WDFY1: variants seen among roughly 807,000 people sequenced by gnomAD.
WDFY1 encodes the protein WD repeat and FYVE domain containing 1.
Under a neutral mutation model 56.4 loss-of-function variants are expected in WDFY1, and 32 were observed. The ratio of observed to expected loss-of-function variants is 0.57; its 90% CI spans 0.43 to 0.76. The LOEUF (loss-of-function observed/expected upper bound fraction) is 0.76. Ranked by LOEUF, WDFY1 falls within the 30% of genes least tolerant of loss-of-function variation. The pLI is 0.00. For missense variants in WDFY1, 480 were observed against 545.7 expected (o/e 0.88, Z 1.20); for synonymous variants, 192 against 197.3 (o/e 0.97, Z 0.23).
intron 1 of WDFY1, among the ~76,000 whole-genome samples, chr2:223,935,741 CTAGGCAT>C (rs1193803629): frequency 6.6e-6 from 1 of 152,162 alleles, no homozygotes; most frequent in Non-Finnish European, 1.5e-5. Flanking sequence ...TTGTAATTAA[CTAGGCAT>C]CATCAGTAAT....
rs1036854964 is a variant in WDFY1 at position 223,901,270 on chromosome 2, C to T, written c.398G>A (p.Gly133Asp). The change falls in exon 5 of 12, where the codon GGC (glycine) becomes GAC (aspartate). Residue 133 changes from glycine (G) to aspartate (D), a missense_variant. Physicochemically the swap from Gly to Asp is moderately conservative, Grantham distance 94 (BLOSUM62 -1). Coordinates refer to ENST00000233055, the MANE Select transcript of WDFY1 (RefSeq NM_020830.5). ...SLATEWVISTGHDKCVSWMCT... is the reference protein window; with the variant it reads ...SLATEWVISTDHDKCVSWMCT... ...CATCCAGCTCACACACTTGTCGTGGCCGGTACTGATCACCCACTCTGTGGC... is the reference window on the plus strand; with the variant it reads ...CATCCAGCTCACACACTTGTCGTGGTCGGTACTGATCACCCACTCTGTGGC... The T allele has an allele frequency of 1.2e-6, 2 of 1,613,996 alleles. No homozygotes were observed. The highest frequency in any genetic ancestry group is 2.7e-5 in the African/African-American group (2 of 74,886).
intron 1 of WDFY1, among the ~76,000 whole-genome samples, chr2:223,918,587 C>A (rs545807151): frequency 6.6e-6 from 1 of 151,052 alleles, no homozygotes; most frequent in Non-Finnish European, 1.5e-5. Flanking sequence ...GCCGAGATTG[C>A]GCCACTGCAC....
chr2:223,904,306 C>T (rs933105031), intron 4 of WDFY1, among the ~76,000 whole-genome samples: 1 of 152,214 alleles, frequency 6.6e-6, no homozygotes, highest in Non-Finnish European at 1.5e-5. Context: ...GGCAGGAGTG[C>T]AGTGGTGCGA....
chr2:223,910,325 TCTTGATTTACAC>T (rs575914054), intron 3 of WDFY1, among the ~76,000 whole-genome samples: 8 of 151,868 alleles, frequency 5.3e-5, no homozygotes, highest in Admixed American at 5.3e-4. Flanking sequence ...CAGGTGTAAA[TCTTGATTTACAC>T]CTATCTTTAC....
chr2:223,920,223 C>CTGG (rs1693866258), intron 1 of WDFY1, among the ~76,000 whole-genome samples: 1 of 152,206 alleles, frequency 6.6e-6, no homozygotes, highest in African/African-American at 2.4e-5. Context: ...GAAGCATCAG[C>CTGG]AGCTGGACAT....
intron 8 of WDFY1, among the ~76,000 whole-genome samples, chr2:223,885,191 TG>T (rs11321677): frequency 0.01 from 1,546 of 151,520 alleles, 40 homozygotes; most frequent in African/African-American, 0.035. Context: ...TAATTGTGTG[TG>T]GGGGGGGGTC....
At chr2:223,913,993 C>CTT (rs386392770) in intron 2 of WDFY1, among the ~76,000 whole-genome samples, 62,996 of 87,930 alleles carry the variant, frequency 0.72, 24,842 homozygotes, top group Non-Finnish European at 0.84. Flanking sequence ...AATCAGTTAG[C>CTT]TTTTTTTTTT....
At chr2:223,942,526 A>AATTTTTTTTTT (rs1559178420) in intron 1 of WDFY1, among the ~76,000 whole-genome samples, 3 of 78,764 alleles carry the variant, frequency 3.8e-5, no homozygotes, top group African/African-American at 5.8e-5. Context: ...CCAAAGGCTA[A>AATTTTTTTTTT]CTTTTTTTTT....
intron 1 of WDFY1, among the ~76,000 whole-genome samples, chr2:223,943,536 G>A (rs931105246): frequency 2.6e-5 from 4 of 152,150 alleles, no homozygotes; most frequent in Non-Finnish European, 4.4e-5. Context: ...TAGAGACCAC[G>A]CCTTCAGCTT....
chr2:223,943,162 G>A (rs1334107482), intron 1 of WDFY1, among the ~76,000 whole-genome samples: 5 of 147,640 alleles, frequency 3.4e-5, no homozygotes, highest in Middle Eastern at 3.6e-3. Flanking sequence ...TCCAGCCTGG[G>A]TGACAGAGCA....
chr2:223,899,052 C>T lies in WDFY1; in HGVS notation c.504G>A (p.Gln168=). Residue 168 remains glutamine (Q), a synonymous_variant, in exon 6 of 12, where the codon CAG becomes CAA. Transcript: ENST00000233055. ...ASCLQYDFDT[Q]YAFVGDYSGQ... ...CAGAATAATCACCAACGAAAGCATACTGAGTGTCAAAGTCATATCTGAGGA... is the reference window on the plus strand; with the variant it reads ...CAGAATAATCACCAACGAAAGCATATTGAGTGTCAAAGTCATATCTGAGGA... 1.2e-6 allele frequency: 2 copies of T among 1,614,096 alleles called. No individual in the cohort carries two copies.
intron 1 of WDFY1, among the ~76,000 whole-genome samples, chr2:223,941,567 T>C (rs1228184545): frequency 6.6e-6 from 1 of 152,152 alleles, no homozygotes; most frequent in Non-Finnish European, 1.5e-5. Flanking sequence ...TTCCTGTGTC[T>C]TCCCAGCACT....
intron 1 of WDFY1, among the ~76,000 whole-genome samples, chr2:223,923,923 A>G (rs1021254539): frequency 6.6e-6 from 1 of 152,146 alleles, no homozygotes; most frequent in Non-Finnish European, 1.5e-5. Context: ...TATTTTGACA[A>G]TTTTACACCC....
intron 8 of WDFY1, among the ~76,000 whole-genome samples, chr2:223,887,824 T>C (rs2106073591): frequency 6.6e-6 from 1 of 152,302 alleles, no homozygotes; most frequent in East Asian, 1.9e-4. Context: ...TTTTCCCCCC[T>C]TAGCCTCTCA....
chr2:223,901,919 T>C (rs1205634937), intron 4 of WDFY1, among the ~76,000 whole-genome samples: 1 of 152,218 alleles, frequency 6.6e-6, no homozygotes, highest in Non-Finnish European at 1.5e-5. Flanking sequence ...TGTTCCAAAA[T>C]AACAGCTGAG....
chr2:223,940,954 C>T (rs560010942), intron 1 of WDFY1, among the ~76,000 whole-genome samples: 1 of 152,322 alleles, frequency 6.6e-6, no homozygotes, highest in African/African-American at 2.4e-5. Flanking sequence ...TCCCAAGTAG[C>T]TGGGATTACA....
intron 1 of WDFY1, among the ~76,000 whole-genome samples, chr2:223,920,052 A>T (rs1480252657): frequency 6.6e-6 from 1 of 152,226 alleles, no homozygotes; most frequent in Non-Finnish European, 1.5e-5. Flanking sequence ...CTCCCACCTG[A>T]GTCCCCACGT....
intron 1 of WDFY1, among the ~76,000 whole-genome samples, chr2:223,931,686 CTTTTTT>C (rs796921019): frequency 2.4e-5 from 1 of 42,302 alleles, no homozygotes. Flanking sequence ...ATTTTTCTTT[CTTTTTT>C]TTTTTTTTTT....
Position 223,893,354 on chromosome 2 carries a change from C to A in WDFY1, c.831+880G>T, listed in dbSNP as rs1411676362. The stretch of plus-strand genomic sequence containing the variant: ...CGATACAGCAAGACCCTGTCTCTAC[C>A]AAAAAAAAAAAAAAAAAATTGAAAA... On this transcript the variant is annotated intron_variant, in intron 8 of 11. Coordinates refer to ENST00000233055, the MANE Select transcript of WDFY1 (RefSeq NM_020830.5). Among the ~76,000 whole-genome samples, 683 of 108,594 alleles carry A rather than the reference C, an allele frequency of 6.3e-3. 1 individual carries two copies. Among genetic ancestry groups the A allele is most frequent in the African/African-American group, 0.019 (560 of 29,664 alleles). 71.2% of individuals were successfully genotyped at this position (108,594 alleles called of 152,430 possible).
Sources: gnomAD v4.1 joint callset for allele counts (sites outside exome capture counted in the v4.1 genomes callset) on GRCh38, gnomAD v4.1.1 for gene constraint, MANE v1.5 for transcripts, NCBI Gene and HGNC (gene_info 2026-07-23, HGNC 2026-07-21) for gene names.